Variants in BRAF observed in about 807,000 individuals in gnomAD.
BRAF encodes the protein B-Raf proto-oncogene, serine/threonine kinase.
BRAF carries 16 observed loss-of-function variants against 104.6 expected under a neutral mutation model. The ratio of observed to expected loss-of-function variants is 0.15; its 90% CI spans 0.10 to 0.23. The LOEUF (loss-of-function observed/expected upper bound fraction) is 0.23, where lower values mean the gene tolerates loss of function less well. BRAF is among the 10% of genes least tolerant of loss of function. The pLI is 1.00. For missense variants in BRAF, 541 were observed against 937.3 expected, an observed-to-expected ratio of 0.58 and a Z score of 5.52; for synonymous variants, 310 against 341.6, an observed-to-expected ratio of 0.91 and a Z score of 1.02.
At chr7:140,715,681 G>A (rs867345206), downstream of BRAF, among the ~76,000 whole-genome samples, 1 of 152,168 alleles carries the variant, frequency 6.6e-6, no homozygotes, top group Non-Finnish European at 1.5e-5. Context: ...CAAAGGAATG[G>A]ACCTCCACCC....
At position 140,924,593 on chromosome 7, in the gene BRAF, C is replaced by G. The variant is rs727502906; in HGVS notation, c.111G>C (p.Ser37=). ...CCTCCGGAATGGCAGGGTCCGCAGC[C>G]GAAGAGGCCGCGGCGCCGGCGCCGG... ...AGAGAGAAAS[S]AADPAIPEEV... Residue 37 remains serine (S), a synonymous_variant, in exon 1 of 20, where the codon TCG becomes TCC. Coordinates refer to ENST00000644969, the MANE Select transcript of BRAF (RefSeq NM_001374258.1). The surrounding 1 kb of genome is among the most constrained non-coding windows in gnomAD (Gnocchi z 4.2). 5 of 1,529,722 alleles carry G rather than the reference C, an allele frequency of 3.3e-6. No individual in the cohort carries two copies. Among genetic ancestry groups the G allele is most frequent in the Middle Eastern group, 2.2e-4 (1 of 4,534 alleles). The allele number at this position is 1,529,722 out of a possible 1,614,324, so 94.8% of individuals were successfully genotyped here. A position where few individuals can be genotyped will look rare whatever the true frequency, so the allele number is the denominator to read the frequency against.
rs1462552478 is a variant in BRAF at position 140,725,712 on chromosome 7, C to A, written c.*782G>T. On this transcript the variant is annotated 3_prime_UTR_variant, in exon 20 of 20. Coordinates refer to ENST00000644969, the MANE Select transcript of BRAF (RefSeq NM_001374258.1). ...TACATTGTGGAGGAAAAAAAAAAAA[C>A]CCAAACACTTATCTTCATTGCTGGA... 5.7e-6 allele frequency: 6 copies of A among 1,049,354 alleles called. No homozygotes were observed. The highest frequency in any genetic ancestry group is 3.4e-5 in the African/African-American group (2 of 59,250). 65.0% of individuals were successfully genotyped at this position (1,049,354 alleles called of 1,614,324 possible).
chr7:140,724,439 C>T lies in BRAF; in HGVS notation c.*2055G>A, dbSNP rs1167093038. 9.5e-7 allele frequency: 1 copy of T among 1,055,018 alleles called. No homozygotes were observed. Among genetic ancestry groups the T allele is most frequent in the Non-Finnish European group, 1.1e-6 (1 of 872,958 alleles). The allele number at this position is 1,055,018 out of a possible 1,614,324, so 65.4% of individuals were successfully genotyped here. On this transcript the variant is annotated 3_prime_UTR_variant, in exon 20 of 20. Coordinates refer to ENST00000644969, the MANE Select transcript of BRAF (RefSeq NM_001374258.1). ...GTATTATTGCACAGAAGATGTTCTT[C>T]AAATCAGCGTGAATTATTTCCACCT...
chr7:140,847,150 T>C (rs1001113023), intron 2 of BRAF, among the ~76,000 whole-genome samples: 2 of 152,024 alleles, frequency 1.3e-5, no homozygotes, highest in African/African-American at 4.8e-5. Context: ...CGAGACTCCA[T>C]CTCAACAAAA....
intron 1 of BRAF, among the ~76,000 whole-genome samples, chr7:140,893,722 A>G (rs1338444268): frequency 1.3e-5 from 2 of 152,240 alleles, no homozygotes; most frequent in East Asian, 3.8e-4. Context: ...GAGAAGAAAC[A>G]TAATAGGCAA....
At chr7:140,890,096 A>G (rs1325904914) in intron 1 of BRAF, among the ~76,000 whole-genome samples, 1 of 152,210 alleles carries the variant, frequency 6.6e-6, no homozygotes. Flanking sequence ...CCTTAGGCAA[A>G]TTACTTAACC....
chr7:140,724,903 C>T lies in BRAF; in HGVS notation c.*1591G>A. On this transcript the variant is annotated 3_prime_UTR_variant, in exon 20 of 20. Transcript: ENST00000644969. ...TGCTATGACTGTGATTGATATTACC[C>T]TTTAATAAAGGCCAAAGGAAGCTAT... The T allele has an allele frequency of 9.6e-7, 1 of 1,036,644 alleles. No homozygotes were observed. The highest frequency in any genetic ancestry group is 1.2e-6 in the Non-Finnish European group (1 of 861,298). The allele number at this position is 1,036,644 out of a possible 1,614,324, so 64.2% of individuals were successfully genotyped here. A position where few individuals can be genotyped will look rare whatever the true frequency, so the allele number is the denominator to read the frequency against.
At position 140,820,264 on chromosome 7, in the gene BRAF, T is replaced by G. The variant is rs185873961; in HGVS notation, c.505-11269A>C. Among the ~76,000 whole-genome samples the G allele has an allele frequency of 8.5e-5, 13 of 152,316 alleles. No homozygotes were observed. In the East Asian group the frequency reaches 1.5e-3, roughly 18 times the overall value. On this transcript the variant is annotated intron_variant, in intron 3 of 19. Transcript: ENST00000644969. ...GGAAAAGGAAGTTTCATACACTTGT[T>G]GAGAATCAAAATCTTTTCTGATATT...
At position 140,720,965 on chromosome 7, in the gene BRAF, T is replaced by C; in HGVS notation, c.*5529A>G. The C allele has an allele frequency of 2.8e-6, 3 of 1,065,030 alleles. No individual in the cohort carries two copies. The highest frequency in any genetic ancestry group is 3.4e-6 in the Non-Finnish European group (3 of 879,158). 66.0% of individuals were successfully genotyped at this position (1,065,030 alleles called of 1,614,324 possible). A position where few individuals can be genotyped will look rare whatever the true frequency, so the allele number is the denominator to read the frequency against. On this transcript the variant is annotated 3_prime_UTR_variant, in exon 20 of 20. Coordinates refer to ENST00000644969, the MANE Select transcript of BRAF (RefSeq NM_001374258.1). Reference sequence around the variant, plus strand: ...AACCAGCGGTCACGGTGCTGGAGAATGAACTCGGCTGGCCGGGAGAAGCAG... The same window carrying C: ...AACCAGCGGTCACGGTGCTGGAGAACGAACTCGGCTGGCCGGGAGAAGCAG...
chr7:140,777,974 A>AAT lies in BRAF; in HGVS notation c.1637+15_1637+16dup. On this transcript the variant is annotated intron_variant, in intron 13 of 19. Transcript: ENST00000644969. ...ATAACTTCTTTCTCTGGAAAAGAGT[A>AAT]ATTCACACAAGCTCACCTGAGTACT... 6.2e-7 allele frequency: 1 copy of AAT among 1,611,116 alleles called. No homozygotes were observed. Among genetic ancestry groups the AAT allele is most frequent in the Non-Finnish European group, 8.5e-7 (1 of 1,177,770 alleles).
chr7:140,924,800 G>A lies in BRAF; in HGVS notation c.-97C>T. 2.2e-6 allele frequency: 1 copy of A among 457,228 alleles called. No homozygotes were observed. Among genetic ancestry groups the A allele is most frequent in the Non-Finnish European group, 3.8e-6 (1 of 263,422 alleles). The allele number at this position is 457,228 out of a possible 1,614,324, so 28.3% of individuals were successfully genotyped here. A position where few individuals can be genotyped will look rare whatever the true frequency, so the allele number is the denominator to read the frequency against. On this transcript the variant is annotated 5_prime_UTR_variant, in exon 1 of 20. Transcript: ENST00000644969. The surrounding 1 kb of genome is among the most constrained non-coding windows in gnomAD (Gnocchi z 4.2). ...GGAGGCGGAGGCGGAGGCGGAGGCG[G>A]AGGAGCGGGGGGCGCGGGGGGCGCG...
intron 19 of BRAF, chr7:140,732,816 T>G (rs998024707): frequency 2.6e-5 from 4 of 152,232 alleles, no homozygotes; most frequent in African/African-American, 9.6e-5. Flanking sequence ...CCTGACCTTG[T>G]GCCTCAAAAT....
At chr7:140,895,542 T>G (rs1260839825) in intron 1 of BRAF, among the ~76,000 whole-genome samples, 1 of 152,210 alleles carries the variant, frequency 6.6e-6, no homozygotes, top group Non-Finnish European at 1.5e-5. Flanking sequence ...CTAGCTGTAA[T>G]TTTGTATCCA....
chr7:140,824,387 AT>A (rs1271603191), intron 3 of BRAF: 1 of 152,172 alleles, frequency 6.6e-6, no homozygotes, highest in African/African-American at 2.4e-5. Flanking sequence ...TGCCAGCATC[AT>A]TTGCTGAACA....
chr7:140,724,222 G>A lies in BRAF; in HGVS notation c.*2272C>T, dbSNP rs1327808792. 1.3e-5 allele frequency: 14 copies of A among 1,058,570 alleles called. No individual in the cohort carries two copies. Among genetic ancestry groups the A allele is most frequent in the Non-Finnish European group, 1.5e-5 (13 of 875,154 alleles). The allele number at this position is 1,058,570 out of a possible 1,614,324, so 65.6% of individuals were successfully genotyped here. On this transcript the variant is annotated 3_prime_UTR_variant, in exon 20 of 20. Coordinates refer to ENST00000644969, the MANE Select transcript of BRAF (RefSeq NM_001374258.1). ...CCGCCCCTGCCCCTGCCCCACGGAG[G>A]CAGTCCCGGACCCAGGCTGCACATG... is the stretch of plus-strand genomic sequence containing the variant.
chr7:140,784,374 T>C (rs1271959197), intron 10 of BRAF, among the ~76,000 whole-genome samples: 1 of 152,208 alleles, frequency 6.6e-6, no homozygotes, highest in Admixed American at 6.5e-5. Context: ...CTTCCATTGA[T>C]AATTTTCAAC....
chr7:140,791,594 T>C (rs1295992163), intron 8 of BRAF, among the ~76,000 whole-genome samples: 1 of 152,220 alleles, frequency 6.6e-6, no homozygotes, highest in Non-Finnish European at 1.5e-5. Flanking sequence ...AATATGCTAA[T>C]TACTCCTAAA....
At chr7:140,727,189 TTTTTTTTTTTTGAGATGGAATTTTG>T (rs1273693630) in intron 19 of BRAF, among the ~76,000 whole-genome samples, 1 of 151,582 alleles carries the variant, frequency 6.6e-6, no homozygotes, top group African/African-American at 2.4e-5. Flanking sequence ...TTTTTTCTTT[TTTTTTTTTTTTGAGATGGAATTTTG>T]CTTTTGTTGC....
At chr7:140,778,168 C>T (rs1800514016) in intron 12 of BRAF, 93 bp from the exon 12 acceptor site, 1 of 1,040,734 alleles carries the variant, frequency 9.6e-7, no homozygotes, top group Non-Finnish European at 1.5e-6. Flanking sequence ...TATCATAGCC[C>T]TAACTCCATA....
Sources: gnomAD v4.1 joint callset for allele counts (sites outside exome capture counted in the v4.1 genomes callset) on GRCh38, gnomAD v4.1.1 for gene constraint, Gnocchi (gnomAD v3.1) non-coding constraint, MANE v1.5 for transcripts, NCBI Gene and HGNC (gene_info 2026-07-23, HGNC 2026-07-21) for gene names.